Variants in EVI5 observed in about 807,000 individuals in gnomAD.
The protein encoded by EVI5 is ecotropic viral integration site 5, also known as ecotropic viral integration site 5 protein homolog.
EVI5 carries 73 observed loss-of-function variants against 112.0 expected under a neutral mutation model. The observed-to-expected ratio is 0.65, with a 90% CI of 0.54 to 0.79. EVI5 has a LOEUF of 0.79. EVI5 is among the 30% of genes least tolerant of loss of function. The probability of loss-of-function intolerance (pLI) is 0.00; values close to 1 mark genes in which losing one functional copy is unlikely to be tolerated. For missense variants in EVI5, 900 were observed against 968.8 expected (o/e 0.93, Z 0.94); for synonymous variants, 305 against 319.9 (o/e 0.95, Z 0.50).
chr1:92,641,671 C>T (rs1183121454), intron 13 of EVI5, among the ~76,000 whole-genome samples: 3 of 152,194 alleles, frequency 2.0e-5, no homozygotes, highest in South Asian at 4.1e-4. Flanking sequence ...TAGGTTTCTA[C>T]ACCACAAAAT....
At chr1:92,600,932 G>A (rs144425621) in intron 18 of EVI5, among the ~76,000 whole-genome samples, 7 of 152,266 alleles carry the variant, frequency 4.6e-5, no homozygotes, top group African/African-American at 7.2e-5. Context: ...TCGGATTTCA[G>A]AGGAATACAC....
At chr1:92,597,343 T>A (rs552130541) in intron 18 of EVI5, among the ~76,000 whole-genome samples, 1 of 152,340 alleles carries the variant, frequency 6.6e-6, no homozygotes, top group South Asian at 2.1e-4. Context: ...CTAAAGCATA[T>A]GTGAGGATAG....
chr1:92,721,799 C>G (rs1674796563), intron 2 of EVI5, among the ~76,000 whole-genome samples: 1 of 152,070 alleles, frequency 6.6e-6, no homozygotes, highest in Non-Finnish European at 1.5e-5. Context: ...ACAACCACAC[C>G]TTACCTACAA....
intron 10 of EVI5, among the ~76,000 whole-genome samples, chr1:92,673,035 C>T (rs751229701): frequency 6.6e-6 from 1 of 152,174 alleles, no homozygotes; most frequent in East Asian, 1.9e-4. Context: ...AGGATAAGAA[C>T]CCTTTAATAA....
chr1:92,560,858 C>A lies in EVI5; in HGVS notation c.2166+2784G>T, dbSNP rs956675592. Among the ~76,000 whole-genome samples the A allele has an allele frequency of 2.0e-5, 3 of 147,342 alleles. No individual in the cohort carries two copies. In the East Asian group the frequency reaches 6.1e-4, roughly 30 times the overall value. On this transcript the variant is annotated intron_variant, in intron 19 of 19. Coordinates refer to ENST00000684568, the MANE Select transcript of EVI5 (RefSeq NM_001350197.2). ...GGGATTACAGGCATGAGCCATTGCACCCAGCCTACAAAAGCTTTTTTTTTT... is the reference window on the plus strand; with the variant it reads ...GGGATTACAGGCATGAGCCATTGCAACCAGCCTACAAAAGCTTTTTTTTTT...
rs936525663 is a variant in EVI5, at chr1:92,542,978, G to C, written c.2166+20664C>G. ...TCATTTACAGAGCACAGGCAAAGTA[G>C]ATTTAGCATAATTCTTAAGAACCCT... is the stretch of plus-strand genomic sequence containing the variant. On this transcript the variant is annotated intron_variant, in intron 19 of 19. Transcript: ENST00000684568. Among the ~76,000 whole-genome samples, 35 of 152,302 alleles carry C rather than the reference G, an allele frequency of 2.3e-4. 1 individual carries two copies. The highest frequency in any genetic ancestry group is 2.3e-3 in the Admixed American group (35 of 15,298).
At chr1:92,678,497 C>T (rs949681305) in intron 9 of EVI5, among the ~76,000 whole-genome samples, 1 of 152,086 alleles carries the variant, frequency 6.6e-6, no homozygotes, top group Non-Finnish European at 1.5e-5. Context: ...AGCCACTGCA[C>T]TCCAGCCTGG....
At position 92,677,203 on chromosome 1, in the gene EVI5, G is replaced by A. The variant is rs772812058; in HGVS notation, c.1113C>T (p.Tyr371=). ...CCATTTCTTTCGTTTTTATTGTAGTGTATTCCTTTTCAAGCCTAAGAAAGG... is the reference window on the plus strand; with the variant it reads ...CCATTTCTTTCGTTTTTATTGTAGTATATTCCTTTTCAAGCCTAAGAAAGG... ...SKKMKKLEKE[Y]TTIKTKEMEE... is the part of the protein sequence containing the mutation. The change falls in exon 10 of 20, where the codon TAC becomes TAT. Residue 371 remains tyrosine, a synonymous_variant. Transcript: ENST00000684568. The A allele has an allele frequency of 1.2e-5, 19 of 1,575,952 alleles. No homozygotes were observed. Among genetic ancestry groups the A allele is most frequent in the Non-Finnish European group, 1.6e-5 (19 of 1,154,396 alleles).
intron 13 of EVI5, among the ~76,000 whole-genome samples, chr1:92,661,499 G>T (rs940879363): frequency 6.6e-6 from 1 of 151,866 alleles, no homozygotes; most frequent in African/African-American, 2.4e-5. Flanking sequence ...TACTTATTGT[G>T]TTTTCTTTAG....
At chr1:92,719,644 G>A (rs1312213637) in intron 2 of EVI5, among the ~76,000 whole-genome samples, 1 of 151,992 alleles carries the variant, frequency 6.6e-6, no homozygotes, top group African/African-American at 2.4e-5. Flanking sequence ...CACAAGACAG[G>A]GATGCCCTCT....
At chr1:92,588,279 G>A (rs528629094) in intron 18 of EVI5, among the ~76,000 whole-genome samples, 33 of 152,246 alleles carry the variant, frequency 2.2e-4, no homozygotes, top group African/African-American at 7.7e-4. Flanking sequence ...TCTGAGTCGG[G>A]AAAGGTCAAA....
intron 1 of EVI5, among the ~76,000 whole-genome samples, chr1:92,757,606 G>C (rs1339585592): frequency 6.9e-6 from 1 of 144,088 alleles, no homozygotes; most frequent in East Asian, 2.0e-4. Flanking sequence ...TTTTTAAAAA[G>C]AAAAAAAAAA....
intron 16 of EVI5, chr1:92,622,242 T>C (rs753194550): frequency 2.7e-6 from 1 of 368,752 alleles, no homozygotes. Flanking sequence ...AGTATTTTGA[T>C]AACTGTACCT....
intron 10 of EVI5, among the ~76,000 whole-genome samples, chr1:92,673,075 C>T (rs1261150012): frequency 6.6e-6 from 1 of 151,916 alleles, no homozygotes; most frequent in Non-Finnish European, 1.5e-5. Context: ...GGAAATAATG[C>T]ATGTAAGTGA....
intron 19 of EVI5, among the ~76,000 whole-genome samples, chr1:92,559,972 A>G (rs930846053): frequency 2.6e-5 from 4 of 152,122 alleles, no homozygotes; most frequent in African/African-American, 4.8e-5. Flanking sequence ...GCACATTAAA[A>G]CCATAATGAG....
intron 14 of EVI5, among the ~76,000 whole-genome samples, chr1:92,632,697 A>G (rs1657464259): frequency 6.6e-6 from 1 of 151,730 alleles, no homozygotes; most frequent in Non-Finnish European, 1.5e-5. Context: ...GATCTTAGTT[A>G]TTTCTTGCCT....
chr1:92,553,971 A>T (rs1351116612), intron 19 of EVI5, among the ~76,000 whole-genome samples: 1 of 152,216 alleles, frequency 6.6e-6, no homozygotes, highest in Admixed American at 6.5e-5. Context: ...GCATATATGA[A>T]TTGGATTGAC....
chr1:92,677,493 T>C (rs1666941670), intron 9 of EVI5, among the ~76,000 whole-genome samples: 1 of 152,212 alleles, frequency 6.6e-6, no homozygotes, highest in Admixed American at 6.5e-5. Context: ...TTACAGATTC[T>C]TTTCAGCCCT....
At chr1:92,679,239 C>T (rs2102337229) in intron 9 of EVI5, among the ~76,000 whole-genome samples, 1 of 152,200 alleles carries the variant, frequency 6.6e-6, no homozygotes, top group Non-Finnish European at 1.5e-5. Context: ...GAAGCCATAC[C>T]CCCAGCCCCC....
Sources: allele counts gnomAD v4.1 joint callset (sites outside exome capture counted in the v4.1 genomes callset), GRCh38; gene constraint gnomAD v4.1.1; transcripts MANE v1.5; gene names NCBI Gene and HGNC (gene_info 2026-07-23, HGNC 2026-07-21).